Variants in GPC5 observed in about 807,000 individuals in gnomAD.
The protein encoded by GPC5 is glypican 5.
GPC5 carries 47 observed loss-of-function variants against 53.9 expected under a neutral mutation model. The ratio of observed to expected loss-of-function variants is 0.87; its 90% CI spans 0.69 to 1.11. The LOEUF (loss-of-function observed/expected upper bound fraction) is 1.11, where lower values mean the gene tolerates loss of function less well. Ranked by LOEUF, GPC5 falls within the 50% of genes most tolerant of loss-of-function variation. The pLI, the probability that GPC5 is intolerant of heterozygous loss-of-function variation, is 0.00. For missense variants in GPC5, 748 were observed against 713.1 expected (o/e 1.05, Z -0.56); for synonymous variants, 286 against 263.3 (o/e 1.09, Z -0.84).
chr13:92,260,956 AG>A (rs1373990885), intron 7 of GPC5, among the ~76,000 whole-genome samples: 1 of 152,176 alleles, frequency 6.6e-6, no homozygotes, highest in Non-Finnish European at 1.5e-5. Flanking sequence ...CTCAAAGGTC[AG>A]TTGTTATAGT....
chr13:92,297,630 G>C (rs947737571), intron 7 of GPC5, among the ~76,000 whole-genome samples: 6 of 152,090 alleles, frequency 3.9e-5, no homozygotes, highest in African/African-American at 1.4e-4. Flanking sequence ...AATCTGATGG[G>C]GACTTGGAGA....
intron 7 of GPC5, among the ~76,000 whole-genome samples, chr13:92,319,606 C>T (rs1327417237): frequency 6.6e-6 from 1 of 152,188 alleles, no homozygotes; most frequent in East Asian, 1.9e-4. Context: ...AATACTGAAC[C>T]TTCTCAGGGT....
chr13:92,467,708 T>G (rs1878752122), intron 7 of GPC5, among the ~76,000 whole-genome samples: 1 of 152,150 alleles, frequency 6.6e-6, no homozygotes, highest in Non-Finnish European at 1.5e-5. Flanking sequence ...TATTTTTAAC[T>G]GCTGGGCTAC....
Position 92,374,881 on chromosome 13 carries a change from A to T in GPC5, c.1561+229892A>T, listed in dbSNP as rs901113006. Among the ~76,000 whole-genome samples the T allele has an allele frequency of 1.7e-4, 26 of 148,584 alleles. No homozygotes were observed. In the East Asian group the frequency reaches 2.0e-3, roughly 11 times the overall value. ...AAAAAAAAAAATAGAAAAAAAAAAT[A>T]AAAAAAAAAGTAAAATGGATTGTTG... On this transcript the variant is annotated intron_variant, in intron 7 of 7. Transcript: ENST00000377067.
intron 2 of GPC5, among the ~76,000 whole-genome samples, chr13:91,634,607 C>G (rs1361171366): frequency 1.3e-5 from 2 of 151,924 alleles, no homozygotes; most frequent in Non-Finnish European, 2.9e-5. Flanking sequence ...CCTGTTTATA[C>G]TTTTGGGAGT....
At chr13:92,336,584 A>G (rs971417941) in intron 7 of GPC5, among the ~76,000 whole-genome samples, 8 of 152,200 alleles carry the variant, frequency 5.3e-5, no homozygotes, top group African/African-American at 1.9e-4. Context: ...TTGTTTACTA[A>G]TTAAGGTCAC....
chr13:92,523,119 T>C (rs1422209136), intron 7 of GPC5, among the ~76,000 whole-genome samples: 1 of 152,126 alleles, frequency 6.6e-6, no homozygotes, highest in African/African-American at 2.4e-5. Flanking sequence ...CAAGACTTCT[T>C]TGATGATTGT....
At chr13:92,123,824 A>G (rs1286626105) in intron 6 of GPC5, among the ~76,000 whole-genome samples, 1 of 152,196 alleles carries the variant, frequency 6.6e-6, no homozygotes, top group Non-Finnish European at 1.5e-5. Flanking sequence ...ATTAATTCAA[A>G]GCATACATTA....
intron 2 of GPC5, among the ~76,000 whole-genome samples, chr13:91,560,286 A>G (rs560946148): frequency 1.3e-5 from 2 of 152,244 alleles, no homozygotes; most frequent in South Asian, 4.1e-4. Flanking sequence ...CTACTAAGGC[A>G]TTGGGAAATA....
intron 6 of GPC5, among the ~76,000 whole-genome samples, chr13:91,968,615 C>T (rs1341403899): frequency 6.6e-6 from 1 of 151,962 alleles, no homozygotes; most frequent in Admixed American, 6.6e-5. Context: ...GCATGTGCCA[C>T]CATGCCTGGC....
intron 7 of GPC5, among the ~76,000 whole-genome samples, chr13:92,751,687 GTATA>G: frequency 6.6e-6 from 1 of 152,048 alleles, no homozygotes; most frequent in Non-Finnish European, 1.5e-5. Context: ...CATGGCACAT[GTATA>G]CATATGTAAC....
intron 7 of GPC5, among the ~76,000 whole-genome samples, chr13:92,488,828 C>T (rs548498406): frequency 2.6e-5 from 4 of 152,188 alleles, no homozygotes; most frequent in African/African-American, 7.2e-5. Flanking sequence ...AACTGCCCTC[C>T]GGAAAACTGT....
intron 7 of GPC5, among the ~76,000 whole-genome samples, chr13:92,306,201 AT>A (rs945913416): frequency 1.3e-5 from 2 of 152,082 alleles, no homozygotes; most frequent in African/African-American, 4.8e-5. Context: ...GTGGAAGTCC[AT>A]TTTTTTTAAA....
rs115376832 is a variant in GPC5 at position 92,336,272 on chromosome 13, A to G, written c.1561+191283A>G. Among the ~76,000 whole-genome samples, 1,097 of 151,582 alleles carry G rather than the reference A, an allele frequency of 7.2e-3. 15 individuals are homozygous for G. Among genetic ancestry groups the G allele is most frequent in the African/African-American group, 0.023 (954 of 41,536 alleles). On this transcript the variant is annotated intron_variant, in intron 7 of 7. Coordinates refer to ENST00000377067, the MANE Select transcript of GPC5 (RefSeq NM_004466.6). ...TAACAATTTGATTTAAAGTAAATAC[A>G]TATTTTCTAATCAGTAACTTATAAT...
intron 7 of GPC5, 65 bp from the exon 8 acceptor site, chr13:92,866,217 T>G: frequency 7.2e-7 from 1 of 1,390,944 alleles, no homozygotes; most frequent in Non-Finnish European, 9.7e-7. Flanking sequence ...AGTTTAAGAG[T>G]TGTTCTAGAC....
intron 2 of GPC5, among the ~76,000 whole-genome samples, chr13:91,467,032 G>A (rs1460291836): frequency 4.6e-5 from 7 of 152,122 alleles, no homozygotes; most frequent in African/African-American, 1.7e-4. Context: ...TTACACGCCT[G>A]CATTGATCTT....
At chr13:91,987,080 T>G (rs533315572) in intron 6 of GPC5, among the ~76,000 whole-genome samples, 5 of 152,352 alleles carry the variant, frequency 3.3e-5, no homozygotes, top group African/African-American at 1.2e-4. Context: ...ATGGCATAAA[T>G]GAACTGATAA....
At chr13:91,896,117 AT>A (rs1185370619) in intron 5 of GPC5, among the ~76,000 whole-genome samples, 29,288 of 127,210 alleles carry the variant, frequency 0.23, 3,289 homozygotes, top group African/African-American at 0.41. Flanking sequence ...ATTTTTTCTA[AT>A]TTTTTTTTTT....
intron 1 of GPC5, among the ~76,000 whole-genome samples, chr13:91,429,966 T>G (rs1000699729): frequency 3.3e-5 from 5 of 152,208 alleles, no homozygotes; most frequent in African/African-American, 9.6e-5. Flanking sequence ...GATTATACAC[T>G]CTGGCAGCAG....
Sources: gnomAD v4.1 joint callset for allele counts (sites outside exome capture counted in the v4.1 genomes callset) on GRCh38, gnomAD v4.1.1 for gene constraint, MANE v1.5 for transcripts, NCBI Gene and HGNC (gene_info 2026-07-23, HGNC 2026-07-21) for gene names.